RSU1: variants seen among roughly 807,000 people sequenced by gnomAD.
RSU1 encodes the protein Ras suppressor protein 1.
RSU1 carries 26 observed loss-of-function variants against 31.1 expected under a neutral mutation model. That is an observed-to-expected ratio of 0.84 (90% CI 0.61 to 1.16). The LOEUF (loss-of-function observed/expected upper bound fraction) is 1.16. RSU1 is among the 50% of genes most tolerant of loss of function. The probability of loss-of-function intolerance (pLI) is 0.00; values close to 1 mark genes in which losing one functional copy is unlikely to be tolerated. For missense variants in RSU1, 320 were observed against 339.1 expected (o/e 0.94, Z 0.44); for synonymous variants, 164 against 136.3 (o/e 1.20, Z -1.41).
At chr10:16,765,680 G>C (rs2131632604) in intron 3 of RSU1, among the ~76,000 whole-genome samples, 1 of 152,274 alleles carries the variant, frequency 6.6e-6, no homozygotes, top group African/African-American at 2.4e-5. Flanking sequence ...GCTTGGCCAT[G>C]GTTCACGTAA....
intron 4 of RSU1, among the ~76,000 whole-genome samples, chr10:16,757,315 C>G (rs908688461): frequency 6.6e-6 from 1 of 152,006 alleles, no homozygotes; most frequent in African/African-American, 2.4e-5. Context: ...AAAAATCATT[C>G]TAGCCATCGA....
intron 7 of RSU1, among the ~76,000 whole-genome samples, chr10:16,735,045 T>C (rs890229596): frequency 6.6e-6 from 1 of 152,208 alleles, no homozygotes; most frequent in African/African-American, 2.4e-5. Context: ...AATTCTGTTA[T>C]TTTGACATTA....
intron 7 of RSU1, among the ~76,000 whole-genome samples, chr10:16,750,371 A>T (rs1457914653): frequency 2.6e-5 from 4 of 151,658 alleles, no homozygotes; most frequent in Non-Finnish European, 5.9e-5. Flanking sequence ...CGCAAAAATA[A>T]AGTCATTTAA....
intron 2 of RSU1, among the ~76,000 whole-genome samples, chr10:16,796,248 C>T (rs1041251117): frequency 3.6e-4 from 55 of 152,162 alleles, no homozygotes; most frequent in African/African-American, 1.3e-3. Context: ...TCCTGGCCTC[C>T]AAGTGTTGCC....
chr10:16,730,087 G>A (rs1182948093), intron 7 of RSU1, among the ~76,000 whole-genome samples: 1 of 152,206 alleles, frequency 6.6e-6, no homozygotes, highest in East Asian at 1.9e-4. Flanking sequence ...AAGGGGAGCT[G>A]TTGTGTATAG....
intron 5 of RSU1, 27 bp downstream of exon 5, chr10:16,754,844 A>G: frequency 7.2e-7 from 1 of 1,392,896 alleles, no homozygotes; most frequent in East Asian, 2.3e-5. Context: ...AAGGTTGAGG[A>G]GATTTATAGA....
chr10:16,800,184 C>T (rs1838122573), intron 2 of RSU1, among the ~76,000 whole-genome samples: 1 of 152,118 alleles, frequency 6.6e-6, no homozygotes, highest in African/African-American at 2.4e-5. Context: ...TCATGTCTGG[C>T]TTACAACAAA....
chr10:16,727,068 A>T (rs1372631140), intron 7 of RSU1: 2 of 456,506 alleles, frequency 4.4e-6, no homozygotes, highest in African/African-American at 2.0e-5. Context: ...GGAACTAATT[A>T]ATGTGCATTC....
chr10:16,650,094 C>T (rs1286320372), intron 8 of RSU1, among the ~76,000 whole-genome samples: 1 of 151,838 alleles, frequency 6.6e-6, no homozygotes, highest in Non-Finnish European at 1.5e-5. Context: ...TCTCTCTTTC[C>T]CTCAGGCTCA....
chr10:16,755,016 T>A, intron 4 of RSU1, 27 bp from the exon 5 acceptor site: 1 of 1,424,016 alleles, frequency 7.0e-7, no homozygotes, highest in Non-Finnish European at 9.9e-7. Flanking sequence ...AAAATCTATG[T>A]CATGACACCA....
At chr10:16,770,708 A>G (rs1422100229) in intron 3 of RSU1, among the ~76,000 whole-genome samples, 5 of 152,240 alleles carry the variant, frequency 3.3e-5, no homozygotes, top group Non-Finnish European at 7.3e-5. Context: ...GGGGATGAAG[A>G]GGAGGACTTA....
At chr10:16,756,083 T>A (rs1415929958) in intron 4 of RSU1, among the ~76,000 whole-genome samples, 1 of 152,210 alleles carries the variant, frequency 6.6e-6, no homozygotes, top group Non-Finnish European at 1.5e-5. Flanking sequence ...TTGATTTCAT[T>A]CCATTTATTC....
At chr10:16,726,381 C>T (rs1836394619) in intron 7 of RSU1, among the ~76,000 whole-genome samples, 1 of 151,724 alleles carries the variant, frequency 6.6e-6, no homozygotes, top group Non-Finnish European at 1.5e-5. Context: ...GATTCTCCTA[C>T]CTCAGCCTCC....
intron 2 of RSU1, among the ~76,000 whole-genome samples, chr10:16,807,850 C>T (rs768244363): frequency 2.0e-5 from 3 of 151,930 alleles, no homozygotes; most frequent in South Asian, 4.2e-4. Context: ...GGTGAAATCC[C>T]GTCTCTACGA....
intron 8 of RSU1, among the ~76,000 whole-genome samples, chr10:16,652,496 C>T (rs1190578011): frequency 1.3e-5 from 2 of 151,054 alleles, no homozygotes; most frequent in Non-Finnish European, 2.9e-5. Flanking sequence ...TGTTCCATAC[C>T]TAAACTGGTA....
intron 2 of RSU1, among the ~76,000 whole-genome samples, chr10:16,810,835 G>A (rs959270698): frequency 6.6e-6 from 1 of 152,138 alleles, no homozygotes; most frequent in African/African-American, 2.4e-5. Flanking sequence ...CAGCCTGGGA[G>A]AAATGGCGAA....
intron 8 of RSU1, among the ~76,000 whole-genome samples, chr10:16,614,302 A>G (rs1420256144): frequency 6.6e-6 from 1 of 152,192 alleles, no homozygotes; most frequent in Non-Finnish European, 1.5e-5. Flanking sequence ...TGTGGGATCT[A>G]AAAATCAAAG....
At chr10:16,632,135 T>C (rs552511493) in intron 8 of RSU1, among the ~76,000 whole-genome samples, 3 of 152,300 alleles carry the variant, frequency 2.0e-5, no homozygotes, top group Admixed American at 6.5e-5. Flanking sequence ...TCATTATCTT[T>C]GTCTTCTAAA....
Position 16,636,987 on chromosome 10 carries a change from C to T in RSU1, c.732-43491G>A, listed in dbSNP as rs145073196. Among the ~76,000 whole-genome samples the T allele has an allele frequency of 5.3e-3, 803 of 152,288 alleles. 6 individuals are homozygous for T. Among genetic ancestry groups the T allele is most frequent in the African/African-American group, 0.018 (761 of 41,572 alleles). The stretch of plus-strand genomic sequence containing the variant: ...GTATTTTATTCCCTTTTGTAAGAAA[C>T]AGGCACTATAAATATTGGCTGAATA... On this transcript the variant is annotated intron_variant, in intron 8 of 8. Transcript: ENST00000345264.
Sources: gnomAD v4.1 joint callset for allele counts (sites outside exome capture counted in the v4.1 genomes callset) on GRCh38, gnomAD v4.1.1 for gene constraint, MANE v1.5 for transcripts, NCBI Gene and HGNC (gene_info 2026-07-23, HGNC 2026-07-21) for gene names.